Variants in TNFRSF19 observed in about 807,000 individuals in gnomAD.
TNFRSF19 encodes the protein tumor necrosis factor receptor superfamily member 19.
A neutral mutation model predicts 46.4 loss-of-function variants in TNFRSF19; 27 were observed. The ratio of observed to expected loss-of-function variants is 0.58; its 90% CI spans 0.43 to 0.80. TNFRSF19 has a LOEUF of 0.80. Among genes scored for constraint, TNFRSF19 ranks in the 30% least tolerant of loss-of-function variants. The pLI, the probability that TNFRSF19 is intolerant of heterozygous loss-of-function variation, is 0.00. For synonymous variants in TNFRSF19, 204 were observed against 205.0 expected, an observed-to-expected ratio of 1.00 and a Z score of 0.04; for missense variants, 511 against 530.8, an observed-to-expected ratio of 0.96 and a Z score of 0.37.
At chr13:23,601,820 A>T (rs771266152) in intron 3 of TNFRSF19, among the ~76,000 whole-genome samples, 5 of 152,190 alleles carry the variant, frequency 3.3e-5, no homozygotes, top group Non-Finnish European at 7.4e-5. Context: ...CTGGTTATAA[A>T]TGTATAGTGC....
rs1882977695 is a variant in TNFRSF19 at position 23,640,556 on chromosome 13, C to T, written c.445+13764C>T. On this transcript the variant is annotated intron_variant, in intron 5 of 9. Transcript: ENST00000248484. ...TAAATGCTAGGCTGGGCCAGGTGGC[C>T]TCCCGTCTTCTTTCTCCTAACCACC... Among the ~76,000 whole-genome samples the T allele has an allele frequency of 2.0e-5, 3 of 152,198 alleles. No homozygotes were observed. The South Asian group carries it at 6.2e-4, about 32-fold the overall frequency.
At chr13:23,593,566 A>G in intron 3 of TNFRSF19, 111 bp downstream of exon 3, 1 of 759,136 alleles carries the variant, frequency 1.3e-6, no homozygotes. Context: ...TGACAGAATT[A>G]TTGGATCATT....
At chr13:23,615,302 A>G (rs975150124) in intron 3 of TNFRSF19, among the ~76,000 whole-genome samples, 7 of 152,292 alleles carry the variant, frequency 4.6e-5, no homozygotes, top group Admixed American at 2.0e-4. Flanking sequence ...ATTTGTCTCA[A>G]CAGGAAGTTA....
chr13:23,656,737 G>C (rs904099089), intron 5 of TNFRSF19, among the ~76,000 whole-genome samples: 1 of 152,164 alleles, frequency 6.6e-6, no homozygotes, highest in African/African-American at 2.4e-5. Context: ...CAATGTAAAT[G>C]ACAGCTTCCC....
At chr13:23,583,686 A>G (rs779577573) in intron 1 of TNFRSF19, among the ~76,000 whole-genome samples, 15 of 152,224 alleles carry the variant, frequency 9.9e-5, no homozygotes, top group Non-Finnish European at 1.5e-4. Flanking sequence ...AATAGGGGCT[A>G]CTTACACTGG....
At chr13:23,630,109 G>A (rs1882254926) in intron 5 of TNFRSF19, among the ~76,000 whole-genome samples, 2 of 151,904 alleles carry the variant, frequency 1.3e-5, no homozygotes, top group South Asian at 4.1e-4. Flanking sequence ...TTCAAGACCA[G>A]CCTGGGCAAC....
At chr13:23,638,766 C>G (rs1163583280) in intron 5 of TNFRSF19, among the ~76,000 whole-genome samples, 2 of 152,152 alleles carry the variant, frequency 1.3e-5, no homozygotes, top group Non-Finnish European at 1.5e-5. Context: ...CACCCCGTGC[C>G]TCTGAACCAT....
At chr13:23,670,821 G>A (rs1951750240) in intron 9 of TNFRSF19, among the ~76,000 whole-genome samples, 1 of 152,324 alleles carries the variant, frequency 6.6e-6, no homozygotes, top group East Asian at 1.9e-4. Flanking sequence ...AGGGGCCCTC[G>A]CCATGTCTAG....
chr13:23,649,693 A>C (rs1883528169), intron 5 of TNFRSF19, among the ~76,000 whole-genome samples: 1 of 152,100 alleles, frequency 6.6e-6, no homozygotes. Flanking sequence ...TTATTGATAC[A>C]GATTTCCCTC....
intron 5 of TNFRSF19, among the ~76,000 whole-genome samples, chr13:23,631,318 C>CT (rs1354462628): frequency 6.6e-6 from 1 of 152,116 alleles, no homozygotes; most frequent in Admixed American, 6.5e-5. Flanking sequence ...TCTTTTCAGT[C>CT]TTTTTTCTAT....
At position 23,595,568 on chromosome 13, in the gene TNFRSF19, T is replaced by C. The variant is rs545774803; in HGVS notation, c.180+2113T>C. ...GAAGACAAGATTAGAGAAAAAAGAA[T>C]GAAAAGGAACAAACAAAGCCTGCAA... On this transcript the variant is annotated intron_variant, in intron 3 of 9. Transcript: ENST00000248484. Among the ~76,000 whole-genome samples the C allele has an allele frequency of 3.0e-4, 46 of 152,006 alleles. 1 individual carries two copies. In the South Asian group the frequency reaches 9.2e-3, roughly 30 times the overall value.
intron 5 of TNFRSF19, among the ~76,000 whole-genome samples, chr13:23,643,571 C>T (rs1362184092): frequency 6.6e-6 from 1 of 152,236 alleles, no homozygotes; most frequent in Non-Finnish European, 1.5e-5. Context: ...ATATAAACAT[C>T]TCCCCCAGTT....
At chr13:23,584,034 C>A (rs371457713) in intron 1 of TNFRSF19, among the ~76,000 whole-genome samples, 2 of 152,268 alleles carry the variant, frequency 1.3e-5, no homozygotes, top group South Asian at 4.1e-4. Flanking sequence ...GAAAACCCTG[C>A]ACTAGGTTAT....
Position 23,590,159 on chromosome 13 carries a change from A to C in TNFRSF19, c.-25A>C, listed in dbSNP as rs747928457. On this transcript the variant is annotated 5_prime_UTR_variant, in exon 2 of 10. Coordinates refer to ENST00000248484, the MANE Select transcript of TNFRSF19 (RefSeq NM_148957.4). Reference sequence around the variant, plus strand: ...CCTATCTTTTATTTAGAACTCTCCAACAATAAATACATTTGATAAGAAAGA... The same window carrying C: ...CCTATCTTTTATTTAGAACTCTCCACCAATAAATACATTTGATAAGAAAGA... The C allele has an allele frequency of 6.6e-7, 1 of 1,513,888 alleles. No homozygotes were observed. Among genetic ancestry groups the C allele is most frequent in the East Asian group, 2.3e-5 (1 of 43,902 alleles). The allele number at this position is 1,513,888 out of a possible 1,614,324, so 93.8% of individuals were successfully genotyped here.
chr13:23,639,235 A>C (rs936051210), intron 5 of TNFRSF19, among the ~76,000 whole-genome samples: 3 of 152,098 alleles, frequency 2.0e-5, no homozygotes, highest in Admixed American at 2.0e-4. Context: ...TCTACTAAAA[A>C]TACAAAAATT....
At chr13:23,603,938 A>G (rs1880340203) in intron 3 of TNFRSF19, among the ~76,000 whole-genome samples, 1 of 152,056 alleles carries the variant, frequency 6.6e-6, no homozygotes, top group South Asian at 2.1e-4. Flanking sequence ...GATCAGGAAC[A>G]AGGCAAGGAT....
chr13:23,594,660 C>G (rs1181426349), intron 3 of TNFRSF19, among the ~76,000 whole-genome samples: 1 of 152,218 alleles, frequency 6.6e-6, no homozygotes, highest in African/African-American at 2.4e-5. Context: ...CAGAGCACTT[C>G]AGGGAAGGGG....
At chr13:23,579,019 G>A (rs1433631822) in intron 1 of TNFRSF19, among the ~76,000 whole-genome samples, 1 of 152,242 alleles carries the variant, frequency 6.6e-6, no homozygotes, top group African/African-American at 2.4e-5. Flanking sequence ...CTGGGATGCG[G>A]GCCCACGCGG....
intron 5 of TNFRSF19, among the ~76,000 whole-genome samples, chr13:23,643,808 T>C (rs1047774507): frequency 2.0e-5 from 3 of 152,222 alleles, no homozygotes; most frequent in Non-Finnish European, 4.4e-5. Context: ...AATGCCCCAG[T>C]TGAGATCCCA....
Sources: gnomAD v4.1 joint callset for allele counts (sites outside exome capture counted in the v4.1 genomes callset) on GRCh38, gnomAD v4.1.1 for gene constraint, MANE v1.5 for transcripts, NCBI Gene and HGNC (gene_info 2026-07-23, HGNC 2026-07-21) for gene names.